Variants in KIRREL3 observed in about 807,000 individuals in gnomAD.
KIRREL3 encodes the protein kirre like nephrin family adhesion molecule 3, also known as kin of IRRE-like protein 3.
In KIRREL3, 36 loss-of-function variants were observed where a neutral mutation model predicts 89.7. The ratio of observed to expected loss-of-function variants is 0.40; its 90% confidence interval spans 0.31 to 0.53. The LOEUF (loss-of-function observed/expected upper bound fraction) is 0.53. KIRREL3 is among the 20% of genes least tolerant of loss of function. KIRREL3 has a pLI of 0.49. For missense variants in KIRREL3, 864 were observed against 1,056.6 expected, an observed-to-expected ratio of 0.82 and a Z score of 2.53; for synonymous variants, 445 against 441.4, an observed-to-expected ratio of 1.01 and a Z score of -0.10.
In KIRREL3 at chr11:126,782,466, G is replaced by A. The variant is rs1393978039; in HGVS notation, c.55+217989C>T. Among the ~76,000 whole-genome samples, 4 of 152,232 alleles carry A rather than the reference G, an allele frequency of 2.6e-5. No individual in the cohort carries two copies. The highest frequency in any genetic ancestry group is 5.9e-5 in the Non-Finnish European group (4 of 68,046). On this transcript the variant is annotated intron_variant, in intron 1 of 16. Coordinates refer to ENST00000525144, the MANE Select transcript of KIRREL3 (RefSeq NM_032531.4). This position sits in a 1 kb window ranked among gnomAD's most constrained non-coding sequence, Gnocchi z 4.1. ...AGTACAGGCTCTTGAACTCAGCTGGGAGGAAATTCAGTTTGGAGAGGAGGC... is the reference window on the plus strand; with the variant it reads ...AGTACAGGCTCTTGAACTCAGCTGGAAGGAAATTCAGTTTGGAGAGGAGGC...
intron 1 of KIRREL3, among the ~76,000 whole-genome samples, chr11:126,813,056 G>T (rs572761113): frequency 3.3e-5 from 5 of 152,264 alleles, no homozygotes; most frequent in Middle Eastern, 3.4e-3. Context: ...GTTTTCTCCA[G>T]TTTAGACTCA....
At chr11:126,596,557 A>G (rs1217163493) in intron 1 of KIRREL3, among the ~76,000 whole-genome samples, 9 of 152,250 alleles carry the variant, frequency 5.9e-5, no homozygotes, top group Non-Finnish European at 2.9e-5. Context: ...CATGTTTCTT[A>G]GCTGCATTGA....
At chr11:126,559,289 C>G (rs1025781168) in intron 2 of KIRREL3, among the ~76,000 whole-genome samples, 2 of 152,200 alleles carry the variant, frequency 1.3e-5, no homozygotes, top group African/African-American at 4.8e-5. Context: ...TACCTGACAC[C>G]TGTGGGGACT....
At chr11:126,468,948 A>G (rs1304735627) in intron 5 of KIRREL3, among the ~76,000 whole-genome samples, 1 of 152,206 alleles carries the variant, frequency 6.6e-6, no homozygotes, top group African/African-American at 2.4e-5. Flanking sequence ...CGATGTCTGC[A>G]TATGGGAAAC....
At chr11:126,855,645 G>A (rs1182066771) in intron 1 of KIRREL3, among the ~76,000 whole-genome samples, 1 of 152,236 alleles carries the variant, frequency 6.6e-6, no homozygotes, top group Non-Finnish European at 1.5e-5. Flanking sequence ...AGTGAGAGGT[G>A]AGGCTCTGGC....
Position 126,544,986 on chromosome 11 carries a change from C to T in KIRREL3, c.133+17849G>A, listed in dbSNP as rs1938687569. Among the ~76,000 whole-genome samples the T allele has an allele frequency of 6.6e-6, 1 of 152,170 alleles. No individual in the cohort carries two copies. The highest frequency in any genetic ancestry group is 6.5e-5 in the Admixed American group (1 of 15,270). ...ATCTAATAAATTACTTGGTACCCGG[C>T]TGCCAGCTCAGACTAAGCCCAATAT... On this transcript the variant is annotated intron_variant, in intron 2 of 16. Transcript: ENST00000525144. The surrounding 1 kb of genome is among the most constrained non-coding windows in gnomAD (Gnocchi z 5.6).
At chr11:126,582,165 G>T (rs1425657530) in intron 1 of KIRREL3, among the ~76,000 whole-genome samples, 1 of 152,186 alleles carries the variant, frequency 6.6e-6, no homozygotes, top group Non-Finnish European at 1.5e-5. Flanking sequence ...CAATCGTGGA[G>T]CCTCTCTGGG....
chr11:126,488,411 T>C (rs971600782), intron 4 of KIRREL3, among the ~76,000 whole-genome samples: 2 of 152,252 alleles, frequency 1.3e-5, no homozygotes, highest in Non-Finnish European at 2.9e-5. Flanking sequence ...GGAGCTAATA[T>C]GTGCCTCGAG....
chr11:126,810,810 A>T (rs1264751471), intron 1 of KIRREL3, among the ~76,000 whole-genome samples: 1 of 152,166 alleles, frequency 6.6e-6, no homozygotes, highest in Non-Finnish European at 1.5e-5. Flanking sequence ...TCGATCAGGG[A>T]GGCCGAGCAA....
chr11:126,573,543 C>T (rs1941089038), intron 1 of KIRREL3, among the ~76,000 whole-genome samples: 1 of 151,936 alleles, frequency 6.6e-6, no homozygotes, highest in African/African-American at 2.4e-5. Context: ...GGCAGGGAAC[C>T]CCGCTGTCCT....
rs1242907563 is a variant in KIRREL3, at chr11:126,993,209, G to A, written c.55+7246C>T. On this transcript the variant is annotated intron_variant, in intron 1 of 16. Coordinates refer to ENST00000525144, the MANE Select transcript of KIRREL3 (RefSeq NM_032531.4). The surrounding 1 kb of genome is among the most constrained non-coding windows in gnomAD (Gnocchi z 6.1). ...ATAGGCTACTAGCAATGTTTCTCAG[G>A]TGTTTACTTAATTATCTCAATCCAT... is the stretch of plus-strand genomic sequence containing the variant. 2.0e-5 allele frequency among the ~76,000 whole-genome samples: 3 copies of A among 152,152 alleles called. No individual in the cohort carries two copies. The highest frequency in any genetic ancestry group is 6.5e-5 in the Admixed American group (1 of 15,288).
intron 1 of KIRREL3, among the ~76,000 whole-genome samples, chr11:126,592,918 C>T (rs867234240): frequency 2.0e-5 from 3 of 151,434 alleles, no homozygotes; most frequent in African/African-American, 4.9e-5. Flanking sequence ...GAGGGCTGGG[C>T]GTGGCGTACC....
intron 1 of KIRREL3, among the ~76,000 whole-genome samples, chr11:126,721,712 T>C (rs901525792): frequency 6.6e-6 from 1 of 152,148 alleles, no homozygotes; most frequent in African/African-American, 2.4e-5. Context: ...GGGGATGAGC[T>C]TGAGCCCCCA....
chr11:126,679,930 C>T (rs1273739978), intron 1 of KIRREL3, among the ~76,000 whole-genome samples: 14 of 152,148 alleles, frequency 9.2e-5, no homozygotes, highest in Admixed American at 7.2e-4. Context: ...CTGTGTGCAG[C>T]CCATCTCATA....
chr11:126,862,940 G>A (rs573892088), intron 1 of KIRREL3, among the ~76,000 whole-genome samples: 47 of 152,350 alleles, frequency 3.1e-4, no homozygotes, highest in Non-Finnish European at 4.8e-4. Flanking sequence ...GAGAGCCCAA[G>A]CATCACACCT....
intron 1 of KIRREL3, among the ~76,000 whole-genome samples, chr11:126,794,025 G>T (rs1322641679): frequency 6.6e-6 from 1 of 152,210 alleles, no homozygotes; most frequent in African/African-American, 2.4e-5. Flanking sequence ...ACTAGGGAGA[G>T]AGCAGGGCTG....
chr11:126,816,292 A>G (rs1490233290), intron 1 of KIRREL3, among the ~76,000 whole-genome samples: 1 of 152,242 alleles, frequency 6.6e-6, no homozygotes, highest in Non-Finnish European at 1.5e-5. Flanking sequence ...CAGCTCAATT[A>G]TCCTACAATT....
At chr11:126,944,491 C>T (rs887549665) in intron 1 of KIRREL3, 1 of 152,340 alleles carries the variant, frequency 6.6e-6, no homozygotes, top group African/African-American at 2.4e-5. Context: ...ACCAAATGCT[C>T]TTGGAGGGCA....
In KIRREL3 at chr11:126,943,028, C is replaced by G. The variant is rs1948506651; in HGVS notation, c.55+57427G>C. The stretch of plus-strand genomic sequence containing the variant: ...GAGAGGAACATTAAAAGATTTTATT[C>G]TAAGATATTCCCTCCAATCCCCACC... On this transcript the variant is annotated intron_variant, in intron 1 of 16. Transcript: ENST00000525144. The surrounding 1 kb of genome is among the most constrained non-coding windows in gnomAD (Gnocchi z 4.2). Among the ~76,000 whole-genome samples the G allele has an allele frequency of 6.6e-6, 1 of 152,154 alleles. No individual in the cohort carries two copies.
Sources: allele counts gnomAD v4.1 joint callset (sites outside exome capture counted in the v4.1 genomes callset), GRCh38; gene constraint gnomAD v4.1.1; non-coding constraint Gnocchi (gnomAD v3.1); transcripts MANE v1.5; gene names NCBI Gene and HGNC (gene_info 2026-07-23, HGNC 2026-07-21).